The following ZFAND3 variants were observed in gnomAD, a reference collection of about 807,000 sequenced individuals.
ZFAND3 encodes AN1-type zinc finger protein 3.
Under a neutral mutation model 29.6 loss-of-function variants are expected in ZFAND3, and 10 were observed. The observed-to-expected ratio is 0.34, with a 90% CI of 0.21 to 0.57. ZFAND3 has a LOEUF of 0.57. Among genes scored for constraint, ZFAND3 ranks in the 20% least tolerant of loss-of-function variants. The probability of loss-of-function intolerance (pLI) is 0.86; values close to 1 mark genes in which losing one functional copy is unlikely to be tolerated. For synonymous variants in ZFAND3, 128 were observed against 112.6 expected (o/e 1.14, Z -0.87); for missense variants, 230 against 304.5 (o/e 0.76, Z 1.82).
intron 2 of ZFAND3, among the ~76,000 whole-genome samples, chr6:38,028,019 T>C (rs149871382): frequency 1.4e-4 from 22 of 152,354 alleles, no homozygotes; most frequent in African/African-American, 5.3e-4. Flanking sequence ...CTTGTCAAGT[T>C]GTCTGCTCTG....
At chr6:37,906,124 T>A (rs1581750212) in intron 1 of ZFAND3, among the ~76,000 whole-genome samples, 1 of 152,162 alleles carries the variant, frequency 6.6e-6, no homozygotes, top group South Asian at 2.1e-4. Context: ...GTCAGTGTTA[T>A]GCAGTCATCA....
intron 2 of ZFAND3, 41 bp downstream of exon 2, chr6:37,930,040 T>C: frequency 6.5e-7 from 1 of 1,543,042 alleles, no homozygotes. Flanking sequence ...CTTTCATTTT[T>C]CTTTCTTTTT....
chr6:38,077,005 ATTGT>A (rs1455568103), intron 3 of ZFAND3, among the ~76,000 whole-genome samples: 3 of 152,166 alleles, frequency 2.0e-5, no homozygotes, highest in Non-Finnish European at 2.9e-5. Flanking sequence ...AGAAATGTAG[ATTGT>A]TTGAATTTTT....
intron 2 of ZFAND3, among the ~76,000 whole-genome samples, chr6:37,975,035 G>T (rs1762456138): frequency 6.6e-6 from 1 of 152,162 alleles, no homozygotes; most frequent in South Asian, 2.1e-4. Flanking sequence ...ATCATAGGTT[G>T]TATGTTTTAA....
rs1425339538 is a variant in ZFAND3 at position 37,819,879 on chromosome 6, C to G, written c.-67C>G. ...CCCGACGCCGCCGCCACCGCCTCCT[C>G]AGAGCGGGGCCCGGGCCCAGCCGCC... On this transcript the variant is annotated 5_prime_UTR_variant, in exon 1 of 6. Coordinates refer to ENST00000287218, the MANE Select transcript of ZFAND3 (RefSeq NM_021943.3). 2 of 1,122,366 alleles carry G rather than the reference C, an allele frequency of 1.8e-6. No homozygotes were observed. Among genetic ancestry groups the G allele is most frequent in the Admixed American group, 9.5e-5 (2 of 20,964 alleles). 69.5% of individuals were successfully genotyped at this position (1,122,366 alleles called of 1,614,324 possible).
chr6:37,839,919 G>A (rs1487780605), intron 1 of ZFAND3, among the ~76,000 whole-genome samples: 1 of 152,154 alleles, frequency 6.6e-6, no homozygotes, highest in Non-Finnish European at 1.5e-5. Context: ...TTTTGGGGAT[G>A]TGTCCTTTAG....
At chr6:37,822,169 T>C (rs528745754) in intron 1 of ZFAND3, among the ~76,000 whole-genome samples, 26 of 152,328 alleles carry the variant, frequency 1.7e-4, no homozygotes, top group African/African-American at 6.0e-4. Context: ...GTTCTGATAA[T>C]GCCAATAGAG....
At chr6:38,090,301 A>G (rs1442783176) in intron 4 of ZFAND3, among the ~76,000 whole-genome samples, 1 of 152,230 alleles carries the variant, frequency 6.6e-6, no homozygotes, top group Non-Finnish European at 1.5e-5. Context: ...GTAATATGCA[A>G]GTTCCCATCA....
intron 1 of ZFAND3, among the ~76,000 whole-genome samples, chr6:37,904,486 T>C (rs767473754): frequency 2.6e-5 from 4 of 152,198 alleles, no homozygotes; most frequent in Non-Finnish European, 5.9e-5. Flanking sequence ...ATTAGGCATA[T>C]TGGAAAGTCT....
At position 37,834,696 on chromosome 6, in the gene ZFAND3, A is replaced by G. The variant is rs1448703031; in HGVS notation, c.71+14680A>G. Among the ~76,000 whole-genome samples, 4 of 151,950 alleles carry G rather than the reference A, an allele frequency of 2.6e-5. No individual in the cohort carries two copies. The East Asian group carries it at 7.7e-4, about 29-fold the overall frequency. On this transcript the variant is annotated intron_variant, in intron 1 of 5. Transcript: ENST00000287218. ...TGCTGACACTATATGATACATATGC[A>G]TATATCATTATGTATATATAATGAT...
Position 37,981,701 on chromosome 6 carries a change from A to T in ZFAND3, c.112+51702A>T, listed in dbSNP as rs538483478. Among the ~76,000 whole-genome samples, 18 of 152,254 alleles carry T rather than the reference A, an allele frequency of 1.2e-4. No homozygotes were observed. In the South Asian group the frequency reaches 1.7e-3, roughly 14 times the overall value. ...GTGGGGAAATAATATTATTTAAAAA[A>T]TTTTTCCTTGTAGAAGGTCAACATG... On this transcript the variant is annotated intron_variant, in intron 2 of 5. Coordinates refer to ENST00000287218, the MANE Select transcript of ZFAND3 (RefSeq NM_021943.3).
chr6:37,935,812 A>G (rs923588869), intron 2 of ZFAND3, among the ~76,000 whole-genome samples: 2 of 152,176 alleles, frequency 1.3e-5, no homozygotes, highest in Non-Finnish European at 2.9e-5. Flanking sequence ...CAAGAGGTTA[A>G]TAGTTGATTT....
At chr6:37,952,256 G>C (rs920825852) in intron 2 of ZFAND3, among the ~76,000 whole-genome samples, 1 of 152,028 alleles carries the variant, frequency 6.6e-6, no homozygotes, top group African/African-American at 2.4e-5. Context: ...TCAGTTTTTT[G>C]CAATAGTTTC....
At chr6:37,955,941 A>C (rs1433271010) in intron 2 of ZFAND3, among the ~76,000 whole-genome samples, 1 of 152,146 alleles carries the variant, frequency 6.6e-6, no homozygotes, top group African/African-American at 2.4e-5. Flanking sequence ...CAGAATAAGA[A>C]AATTGGTTGC....
chr6:38,066,051 G>T lies in ZFAND3; in HGVS notation c.295+4276G>T, dbSNP rs73419944. On this transcript the variant is annotated intron_variant, in intron 3 of 5. Transcript: ENST00000287218. ...GTGCATAAGAATTTTGGGGTGGAAG[G>T]GGGGAAGTAGCTAGTAGTGGTTAAC... Among the ~76,000 whole-genome samples, 9 of 152,254 alleles carry T rather than the reference G, an allele frequency of 5.9e-5. No individual in the cohort carries two copies. In the East Asian group the frequency reaches 1.5e-3, roughly 26 times the overall value.
chr6:38,140,315 G>T (rs1355640713), intron 5 of ZFAND3, among the ~76,000 whole-genome samples: 1 of 152,158 alleles, frequency 6.6e-6, no homozygotes, highest in Non-Finnish European at 1.5e-5. Flanking sequence ...AGAAGGTCCA[G>T]CACTGAATAA....
At chr6:37,909,885 G>A (rs1034141327) in intron 1 of ZFAND3, among the ~76,000 whole-genome samples, 3 of 152,114 alleles carry the variant, frequency 2.0e-5, no homozygotes, top group Non-Finnish European at 4.4e-5. Flanking sequence ...CATGGGAAAT[G>A]TACATCAGAA....
At chr6:38,057,535 T>C (rs915450437) in intron 2 of ZFAND3, among the ~76,000 whole-genome samples, 2 of 152,216 alleles carry the variant, frequency 1.3e-5, no homozygotes, top group Non-Finnish European at 2.9e-5. Flanking sequence ...CATTATCTTA[T>C]TTAATCCACA....
chr6:37,913,749 T>C (rs930791375), intron 1 of ZFAND3, among the ~76,000 whole-genome samples: 12 of 147,436 alleles, frequency 8.1e-5, no homozygotes, highest in Non-Finnish European at 1.7e-4. Context: ...TTGCTCTTGT[T>C]GCCCAGGCTG....
Sources: allele counts gnomAD v4.1 joint callset (sites outside exome capture counted in the v4.1 genomes callset), GRCh38; gene constraint gnomAD v4.1.1; transcripts MANE v1.5; gene names NCBI Gene and HGNC (gene_info 2026-07-23, HGNC 2026-07-21).